Variants in SGSM1 observed in about 807,000 individuals in gnomAD.
SGSM1 encodes the protein RUN and TBC1 domain containing 2.
A neutral mutation model predicts 133.8 loss-of-function variants in SGSM1; 73 were observed. That is an observed-to-expected ratio of 0.55 (90% confidence interval 0.45 to 0.66). The LOEUF is 0.66. SGSM1 is among the 30% of genes least tolerant of loss of function. The pLI is 0.00. For synonymous variants in SGSM1, 563 were observed against 573.0 expected (o/e 0.98, Z 0.25); for missense variants, 1,213 against 1,448.1 (o/e 0.84, Z 2.64).
intron 12 of SGSM1, among the ~76,000 whole-genome samples, chr22:24,875,651 A>AG (rs926850115): frequency 1.3e-5 from 2 of 151,950 alleles, no homozygotes; most frequent in African/African-American, 4.8e-5. Context: ...GAAAAAAAAA[A>AG]AAAGAAAGAA....
intron 16 of SGSM1, among the ~76,000 whole-genome samples, chr22:24,892,050 T>TG (rs1465087265): frequency 6.6e-6 from 1 of 151,952 alleles, no homozygotes; most frequent in Non-Finnish European, 1.5e-5. Context: ...TGCTAAGTGG[T>TG]GCACGGTTCA....
chr22:24,904,562 A>G (rs946107554), intron 20 of SGSM1, among the ~76,000 whole-genome samples: 2 of 143,222 alleles, frequency 1.4e-5, no homozygotes, highest in Non-Finnish European at 3.0e-5. Flanking sequence ...CCTGAGCAAC[A>G]GTGAGACTCC....
At chr22:24,866,650 A>T (rs538630782) in intron 9 of SGSM1, among the ~76,000 whole-genome samples, 9 of 152,138 alleles carry the variant, frequency 5.9e-5, no homozygotes, top group Non-Finnish European at 1.3e-4. Flanking sequence ...CCATCTTCAG[A>T]CTTCTGCCCT....
chr22:24,860,070 T>G (rs1456977687), intron 9 of SGSM1, among the ~76,000 whole-genome samples: 1 of 152,148 alleles, frequency 6.6e-6, no homozygotes, highest in Non-Finnish European at 1.5e-5. Flanking sequence ...GGCATGGAAG[T>G]TGGCAATGCC....
chr22:24,868,938 G>GGC (rs1931617841), intron 12 of SGSM1, 83 bp downstream of exon 12: 1 of 1,547,560 alleles, frequency 6.5e-7, no homozygotes, highest in Non-Finnish European at 8.7e-7. Flanking sequence ...ACTAGAAGAT[G>GGC]ACAGGTCTGG....
chr22:24,883,923 A>G, intron 14 of SGSM1, 130 bp from the exon 15 acceptor site: 3 of 1,081,114 alleles, frequency 2.8e-6, no homozygotes, highest in Non-Finnish European at 3.8e-6. Flanking sequence ...AATAAATAAT[A>G]GAGCAAGACT....
intron 2 of SGSM1, among the ~76,000 whole-genome samples, chr22:24,824,212 A>G (rs1928659371): frequency 6.6e-6 from 1 of 152,178 alleles, no homozygotes; most frequent in African/African-American, 2.4e-5. Context: ...AGACAGAGCT[A>G]GGAATGGGTG....
rs116670882 is a variant in SGSM1, at chr22:24,832,878, G to A, written c.64-12019G>A. On this transcript the variant is annotated intron_variant, in intron 2 of 24. Coordinates refer to ENST00000400358, the MANE Select transcript of SGSM1 (RefSeq NM_001098497.3). The stretch of plus-strand genomic sequence containing the variant: ...TCCAAGCCTCCCTCCTTGGCTCATA[G>A]GTGGCCATCTTCTCCCTGATCTTCA... 2.9e-3 allele frequency among the ~76,000 whole-genome samples: 445 copies of A among 152,134 alleles called. 2 individuals carry two copies. The highest frequency in any genetic ancestry group is 0.01 in the African/African-American group (426 of 41,518).
intron 13 of SGSM1, among the ~76,000 whole-genome samples, chr22:24,879,121 A>G (rs759612901): frequency 1.4e-4 from 21 of 152,166 alleles, no homozygotes; most frequent in Non-Finnish European, 3.1e-4. Context: ...AATTCCAACA[A>G]AAGTCCCAGG....
chr22:24,894,701 C>T (rs938485166), intron 17 of SGSM1, among the ~76,000 whole-genome samples: 3 of 152,252 alleles, frequency 2.0e-5, no homozygotes, highest in Middle Eastern at 3.4e-3. Flanking sequence ...CGTGCTCTCA[C>T]GGTGAAAGCA....
At position 24,916,381 on chromosome 22, in the gene SGSM1, C is replaced by T. The variant is rs557436505; in HGVS notation, c.2929-1277C>T. On this transcript the variant is annotated intron_variant, in intron 22 of 24. Transcript: ENST00000400358. ...CAAGGTTTATCCTGTATGTATGATGCATTGTAGCATGTATCAAAACTTAGT... is the reference window on the plus strand; with the variant it reads ...CAAGGTTTATCCTGTATGTATGATGTATTGTAGCATGTATCAAAACTTAGT... Among the ~76,000 whole-genome samples, 3 of 152,190 alleles carry T rather than the reference C, an allele frequency of 2.0e-5. No homozygotes were observed. In the South Asian group the frequency reaches 6.2e-4, roughly 32 times the overall value.
chr22:24,854,113 C>T (rs1251748215), intron 5 of SGSM1, among the ~76,000 whole-genome samples: 1 of 152,066 alleles, frequency 6.6e-6, no homozygotes, highest in African/African-American at 2.4e-5. Context: ...AGATACAATT[C>T]AAGTTGGGAT....
At chr22:24,886,846 T>C in intron 16 of SGSM1, 118 bp downstream of exon 16, 2 of 1,322,452 alleles carry the variant, frequency 1.5e-6, no homozygotes, top group Non-Finnish European at 2.0e-6. Context: ...ACGGGGAAGA[T>C]GGGAACCTGA....
At chr22:24,897,153 G>A (rs1345741320) in intron 18 of SGSM1, among the ~76,000 whole-genome samples, 1 of 152,014 alleles carries the variant, frequency 6.6e-6, no homozygotes, top group African/African-American at 2.4e-5. Context: ...GCCGAGGTGG[G>A]CAGATCACCT....
chr22:24,845,265 C>T (rs373752880), intron 3 of SGSM1, among the ~76,000 whole-genome samples: 1 of 152,262 alleles, frequency 6.6e-6, no homozygotes, highest in South Asian at 2.1e-4. Context: ...GGAATGGGCT[C>T]CCTGTCCCTC....
intron 2 of SGSM1, among the ~76,000 whole-genome samples, chr22:24,820,366 A>G (rs2147792613): frequency 6.6e-6 from 1 of 152,276 alleles, no homozygotes; most frequent in East Asian, 1.9e-4. Flanking sequence ...TGGCCCTCAC[A>G]CTGTCACAGG....
At position 24,899,933 on chromosome 22, in the gene SGSM1, C is replaced by T. The variant is rs12483956; in HGVS notation, c.2610+1374C>T. 5.7e-3 allele frequency among the ~76,000 whole-genome samples: 873 copies of T among 152,088 alleles called. 27 individuals carry two copies. The highest frequency in any genetic ancestry group is 0.05 in the East Asian group (261 of 5,180). ...TTCCAGAATGTTTTATTTTCTGTCA[C>T]CTATCTCTAGTGTTTAATATATTTT... On this transcript the variant is annotated intron_variant, in intron 19 of 24. Transcript: ENST00000400358.
intron 18 of SGSM1, among the ~76,000 whole-genome samples, chr22:24,896,986 A>C (rs889168571): frequency 1.3e-5 from 2 of 151,820 alleles, no homozygotes; most frequent in Admixed American, 1.3e-4. Context: ...TAAATAAATA[A>C]ATACATACAT....
chr22:24,855,375 G>T lies in SGSM1; in HGVS notation c.614G>T (p.Arg205Leu), dbSNP rs749576223. Residue 205 changes from arginine (R) to leucine (L), a missense_variant, in exon 7 of 25, where the codon CGC (arginine) becomes CTC (leucine). Transcript: ENST00000400358. Reference protein sequence around the residue: ...PSADELVQRHRIHSSHVRQDS... With the variant: ...PSADELVQRHLIHSSHVRQDS... ...GCTGACGAACTTGTCCAGAGGCACC[G>T]CATCCACAGCTCCCACGTGCGGCAG... 3 of 1,613,362 alleles carry T rather than the reference G, an allele frequency of 1.9e-6. No homozygotes were observed. The highest frequency in any genetic ancestry group is 3.3e-5 in the Admixed American group (2 of 59,938).
Sources: gnomAD v4.1 joint callset for allele counts (sites outside exome capture counted in the v4.1 genomes callset) on GRCh38, gnomAD v4.1.1 for gene constraint, MANE v1.5 for transcripts, NCBI Gene and HGNC (gene_info 2026-07-23, HGNC 2026-07-21) for gene names.